The following RGN variants were observed in gnomAD, a reference collection of about 807,000 sequenced individuals.
RGN encodes regucalcin.
A neutral mutation model predicts 20.6 loss-of-function variants in RGN; 19 were observed. That is an observed-to-expected ratio of 0.92 (90% CI 0.64 to 1.35). RGN has a LOEUF of 1.35. RGN is among the 40% of genes most tolerant of loss of function. RGN has a pLI of 0.00. For missense variants in RGN, 302 were observed against 232.7 expected (o/e 1.30, Z -1.94); for synonymous variants, 85 against 87.2 (o/e 0.97, Z 0.14).
At position 47,092,912 on chromosome X, in the gene RGN, G is replaced by A. The variant is rs782235261; in HGVS notation, c.865G>A (p.Val289Ile). 2 of 1,207,586 alleles carry A rather than the reference G, an allele frequency of 1.7e-6. No individual in the cohort carries two copies. The highest frequency in any genetic ancestry group is 3.5e-5 in the South Asian group (2 of 56,640). ...GGIFKITGLG[V>I]KGIAPYSYAG The stretch of plus-strand genomic sequence containing the variant: ...TTTTCAACAGATAACTGGTCTGGGG[G>A]TCAAAGGAATTGCTCCCTACTCCTA... The change falls in exon 8 of 8, where the codon GTC becomes ATC. Residue 289 changes from valine (V) to isoleucine (I), a missense_variant. Transcript: ENST00000397180.
intron 1 of RGN, among the ~76,000 whole-genome samples, chrX:47,079,904 G>A (rs1930219679): frequency 9.0e-6 from 1 of 111,404 alleles, no homozygotes; most frequent in South Asian, 3.7e-4. Context: ...TTTATTTAGA[G>A]ACAGGTTCTC....
intron 5 of RGN, among the ~76,000 whole-genome samples, chrX:47,090,961 A>AAGGAAAGAAAAAGAAAGAAAGAAAGAAAG (rs1556387554): frequency 3.6e-4 from 23 of 63,541 alleles, no homozygotes; most frequent in Middle Eastern, 6.7e-3. Context: ...AGAAAGAAAG[A>AAGGAAAGAAAAAGAAAGAAAGAAAGAAAG]AAGAAAGAAA....
chrX:47,079,438 G>T lies in RGN; in HGVS notation c.-636+729G>T, dbSNP rs781941175. 3.0e-3 allele frequency among the ~76,000 whole-genome samples: 300 copies of T among 101,263 alleles called. 3 individuals carry two copies. The highest frequency in any genetic ancestry group is 9.9e-3 in the African/African-American group (274 of 27,813). The allele number at this position is 101,263 out of a possible 115,157, so 87.9% of individuals were successfully genotyped here. On this transcript the variant is annotated intron_variant, in intron 1 of 7. Coordinates refer to ENST00000397180, the MANE Select transcript of RGN (RefSeq NM_152869.4). ...TTTGTTTTGTTTTTTTGTTTTTTTG[G>T]TTTTTTTTTTGAGACGGAGTCTTAC...
chrX:47,083,291 A>C (rs781952835), intron 3 of RGN, among the ~76,000 whole-genome samples: 2 of 108,641 alleles, frequency 1.8e-5, no homozygotes, highest in Non-Finnish European at 3.8e-5. Context: ...CCCAGCTACT[A>C]GGGAGGCTGA....
Position 47,093,205 on chromosome X carries a change from C to A in RGN, c.*258C>A, listed in dbSNP as rs1556388650. The A allele has an allele frequency of 2.9e-6, 1 of 345,651 alleles. No individual in the cohort carries two copies. The highest frequency in any genetic ancestry group is 2.6e-5 in the African/African-American group (1 of 37,819). 28.5% of individuals were successfully genotyped at this position (345,651 alleles called of 1,213,427 possible). ...TCAACTGTCAATCAGCCTCTTGATTCTTTGTAAATTGCCAGGGTGGGTGGG... is the reference window on the plus strand; with the variant it reads ...TCAACTGTCAATCAGCCTCTTGATTATTTGTAAATTGCCAGGGTGGGTGGG... On this transcript the variant is annotated 3_prime_UTR_variant, in exon 8 of 8. Coordinates refer to ENST00000397180, the MANE Select transcript of RGN (RefSeq NM_152869.4).
At position 47,092,204 on chromosome X, in the gene RGN, G is replaced by A; in HGVS notation, c.838G>A (p.Gly280Arg). The A allele has an allele frequency of 8.5e-7, 1 of 1,178,264 alleles. No homozygotes were observed. The highest frequency in any genetic ancestry group is 1.1e-6 in the Non-Finnish European group (1 of 878,288). Residue 280 changes from glycine (G) to arginine (R), a missense_variant, in exon 7 of 8, where the codon GGA (glycine) becomes AGA (arginine). By Grantham distance (125) the Gly-to-Arg change is moderately radical. Transcript: ENST00000397180. ...TCTTTTGAGGCAACCTGAAGCTGGT[G>A]GAATTTTCAAGGTGATATGGCTATT... Reference protein sequence around the residue: ...EGLLRQPEAGGIFKITGLGVK... With the variant: ...EGLLRQPEAGRIFKITGLGVK...
intron 6 of RGN, 61 bp downstream of exon 6, chrX:47,091,870 T>G: frequency 8.7e-7 from 1 of 1,149,863 alleles, no homozygotes; most frequent in Non-Finnish European, 1.2e-6. Context: ...AGCCCGAAAG[T>G]TACAGTCAGA....
intron 3 of RGN, among the ~76,000 whole-genome samples, chrX:47,083,505 T>C (rs782535281): frequency 9.8e-5 from 11 of 112,279 alleles, no homozygotes; most frequent in Non-Finnish European, 2.1e-4. Context: ...GATTGTACTA[T>C]CTCTGCATCT....
intron 4 of RGN, among the ~76,000 whole-genome samples, chrX:47,085,755 T>C (rs1930560071): frequency 9.0e-6 from 1 of 111,435 alleles, no homozygotes; most frequent in Admixed American, 9.6e-5. Context: ...GTGCTGGGAT[T>C]ACAGGTGTGA....
At chrX:47,087,241 A>G (rs1434063785) in intron 4 of RGN, among the ~76,000 whole-genome samples, 2 of 111,275 alleles carry the variant, frequency 1.8e-5, no homozygotes, top group South Asian at 3.8e-4. Flanking sequence ...GCCGCCTCAC[A>G]TTGTTGGCCC....
intron 4 of RGN, chrX:47,085,083 T>C (rs1418322395): frequency 1.8e-5 from 2 of 113,486 alleles, no homozygotes; most frequent in Admixed American, 1.9e-4. Context: ...AAAAATTCTA[T>C]GATAAAATCT....
At chrX:47,091,916 A>G in intron 6 of RGN, 107 bp downstream of exon 6, 1 of 1,040,634 alleles carries the variant, frequency 9.6e-7, no homozygotes, top group Admixed American at 3.0e-5. Context: ...TTTTTGCTCA[A>G]AATAAATTGT....
chrX:47,081,429 C>T, intron 3 of RGN, 122 bp downstream of exon 3: 1 of 556,454 alleles, frequency 1.8e-6, no homozygotes, highest in Non-Finnish European at 2.9e-6. Context: ...GTCCCCACTC[C>T]ATATCCTCCC....
At chrX:47,081,527 G>GGT (rs1327503378) in intron 3 of RGN, among the ~76,000 whole-genome samples, 2 of 104,858 alleles carry the variant, frequency 1.9e-5, no homozygotes, top group African/African-American at 6.9e-5. Flanking sequence ...TTTTTTGGGG[G>GGT]GGGGGGTGTT....
At chrX:47,085,005 A>G (rs1930522670) in intron 4 of RGN, 1 of 121,681 alleles carries the variant, frequency 8.2e-6, no homozygotes, top group African/African-American at 3.2e-5. Flanking sequence ...CACTACCTCA[A>G]AAGTGTTATT....
chrX:47,083,117 GGCCGGGTGCA>G (rs2147010611), intron 3 of RGN, among the ~76,000 whole-genome samples: 1 of 111,625 alleles, frequency 9.0e-6, no homozygotes, highest in South Asian at 3.7e-4. Context: ...AAGCTTTCTT[GGCCGGGTGCA>G]GTAGCTCATG....
rs981771459 is a variant in RGN at position 47,080,927 on chromosome X, C to G, written c.-25C>G. ...TCTTTTTGAAAGATCATTCGAGAAA[C>G]ACGTCACTGGTAAGTTGGTTGAAGA... On this transcript the variant is annotated 5_prime_UTR_variant, in exon 2 of 8. Transcript: ENST00000397180. 5 of 361,164 alleles carry G rather than the reference C, an allele frequency of 1.4e-5. No homozygotes were observed. The highest frequency in any genetic ancestry group is 2.6e-5 in the African/African-American group (1 of 38,190). 29.8% of individuals were successfully genotyped at this position (361,164 alleles called of 1,213,427 possible).
rs1931087391 is a variant in RGN, at chrX:47,093,177, C to T, written c.*230C>T. ...AAGGTACTATAGAAGGGCGAAGAAT[C>T]GTTCAACTGTCAATCAGCCTCTTGA... On this transcript the variant is annotated 3_prime_UTR_variant, in exon 8 of 8. Transcript: ENST00000397180. The T allele has an allele frequency of 2.7e-6, 1 of 373,093 alleles. No homozygotes were observed. Among genetic ancestry groups the T allele is most frequent in the South Asian group, 5.5e-5 (1 of 18,196 alleles). The allele number at this position is 373,093 out of a possible 1,213,427, so 30.7% of individuals were successfully genotyped here. A position where few individuals can be genotyped will look rare whatever the true frequency, so the allele number is the denominator to read the frequency against.
At chrX:47,084,173 G>A (rs1304341145) in intron 3 of RGN, among the ~76,000 whole-genome samples, 1 of 111,222 alleles carries the variant, frequency 9.0e-6, no homozygotes, top group Non-Finnish European at 1.9e-5. Context: ...ACAAGACTGG[G>A]AGCTTCCAGA....
Sources: allele counts gnomAD v4.1 joint callset (sites outside exome capture counted in the v4.1 genomes callset), GRCh38; gene constraint gnomAD v4.1.1; transcripts MANE v1.5; gene names NCBI Gene and HGNC (gene_info 2026-07-23, HGNC 2026-07-21).